Variants in TMEM260 observed in about 807,000 individuals in gnomAD.
The protein encoded by TMEM260 is protein O-mannosyl-transferase TMEM260.
A neutral mutation model predicts 88.9 loss-of-function variants in TMEM260; 82 were observed. That is an observed-to-expected ratio of 0.92 (90% CI 0.77 to 1.11). TMEM260 has a LOEUF of 1.11. Among genes scored for constraint, TMEM260 ranks in the 50% least tolerant of loss-of-function variants. TMEM260 has a pLI of 0.00. For synonymous variants in TMEM260, 314 were observed against 309.3 expected, an observed-to-expected ratio of 1.02 and a Z score of -0.16; for missense variants, 902 against 853.4, an observed-to-expected ratio of 1.06 and a Z score of -0.71.
At chr14:56,617,656 C>T (rs954945056) in intron 9 of TMEM260, among the ~76,000 whole-genome samples, 1 of 152,122 alleles carries the variant, frequency 6.6e-6, no homozygotes, top group Non-Finnish European at 1.5e-5. Context: ...TTCCTTATTT[C>T]TTACCTCCCC....
intron 3 of TMEM260, among the ~76,000 whole-genome samples, chr14:56,601,157 C>T (rs10149712): frequency 0.11 from 16,589 of 152,066 alleles, 1,490 homozygotes; most frequent in African/African-American, 0.24. Flanking sequence ...ATTTTTAAAA[C>T]CTTATGAAAT....
At chr14:56,629,777 C>A (rs1194333623) in intron 12 of TMEM260, among the ~76,000 whole-genome samples, 1 of 152,130 alleles carries the variant, frequency 6.6e-6, no homozygotes, top group Non-Finnish European at 1.5e-5. Flanking sequence ...GTGGCTCATG[C>A]CTGTAATTCC....
At chr14:56,661,028 AG>A in the TMEM260 span, among the ~76,000 whole-genome samples, 614 of 152,378 alleles carry the variant, frequency 4.0e-3, 2 homozygotes, top group Middle Eastern at 0.014. Flanking sequence ...GAAAAGCTGG[AG>A]GCGGGAGTGG....
At chr14:56,641,467 A>G (rs1781959920) in intron 15 of TMEM260, among the ~76,000 whole-genome samples, 1 of 152,242 alleles carries the variant, frequency 6.6e-6, no homozygotes, top group African/African-American at 2.4e-5. Flanking sequence ...GCAAATGCTG[A>G]GAGATTTTGT....
At chr14:56,651,193 G>C (rs1183301157), downstream of TMEM260, among the ~76,000 whole-genome samples, 1 of 152,128 alleles carries the variant, frequency 6.6e-6, no homozygotes, top group Non-Finnish European at 1.5e-5. Context: ...ATCATTGTCA[G>C]CACCCTCTCA....
At chr14:56,654,105 T>TCC (rs1402427749), downstream of TMEM260, among the ~76,000 whole-genome samples, 2 of 152,184 alleles carry the variant, frequency 1.3e-5, no homozygotes, top group Admixed American at 1.3e-4. Flanking sequence ...CGTTGAACTT[T>TCC]CCCCCTCTCC....
chr14:56,636,313 T>C (rs916884187), intron 14 of TMEM260, among the ~76,000 whole-genome samples, 195 bp from the exon 15 acceptor site: 4 of 152,170 alleles, frequency 2.6e-5, no homozygotes, highest in African/African-American at 9.7e-5. Flanking sequence ...TTAGTGTGAA[T>C]GCAGCATCTT....
At chr14:56,645,289 T>G (rs1216503630) in intron 15 of TMEM260, among the ~76,000 whole-genome samples, 1 of 151,522 alleles carries the variant, frequency 6.6e-6, no homozygotes, top group Non-Finnish European at 1.5e-5. Context: ...GTGGCACATA[T>G]ACACCATGGA....
intron 15 of TMEM260, among the ~76,000 whole-genome samples, chr14:56,639,760 C>G (rs1364776690): frequency 6.6e-6 from 1 of 152,144 alleles, no homozygotes; most frequent in African/African-American, 2.4e-5. Context: ...CAGACAGCAC[C>G]TGGAAAATCG....
At chr14:56,601,099 C>T (rs1287580575) in intron 3 of TMEM260, among the ~76,000 whole-genome samples, 1 of 152,034 alleles carries the variant, frequency 6.6e-6, no homozygotes, top group Non-Finnish European at 1.5e-5. Context: ...CTAAGGTAAC[C>T]AGATAAATGT....
chr14:56,625,327 ATTCT>A (rs1403096633), intron 11 of TMEM260, 51 bp from the exon 12 acceptor site: 5 of 1,577,702 alleles, frequency 3.2e-6, no homozygotes, highest in African/African-American at 1.4e-5. Flanking sequence ...GATAAACTTG[ATTCT>A]TTCTAAGAAA....
intron 15 of TMEM260, among the ~76,000 whole-genome samples, chr14:56,640,481 C>G (rs1386525036): frequency 6.6e-6 from 1 of 152,112 alleles, no homozygotes; most frequent in Non-Finnish European, 1.5e-5. Flanking sequence ...ACATCCACAC[C>G]AAAAACCCAT....
chr14:56,592,866 G>A (rs1007352543), intron 3 of TMEM260, among the ~76,000 whole-genome samples: 3 of 152,300 alleles, frequency 2.0e-5, no homozygotes, highest in Non-Finnish European at 2.9e-5. Flanking sequence ...TACCTTCCGT[G>A]TTGGGTTCTT....
downstream of TMEM260, among the ~76,000 whole-genome samples, chr14:56,651,965 G>T (rs1332626867): frequency 6.6e-6 from 1 of 152,154 alleles, no homozygotes; most frequent in African/African-American, 2.4e-5. Flanking sequence ...TTTTTGAAAT[G>T]TAACCTTTTA....
chr14:56,588,388 G>A (rs1039025193), intron 3 of TMEM260, among the ~76,000 whole-genome samples: 15 of 151,926 alleles, frequency 9.9e-5, no homozygotes, highest in African/African-American at 3.6e-4. Context: ...TATTTCAAAA[G>A]CAAATTTATG....
In TMEM260 at chr14:56,609,140, T is replaced by C; in HGVS notation, c.671T>C (p.Leu224Pro). ...LSLGSLLKLS[L>P]YFSAGLLPYV... ...CTGGGCTCTTTGTTGAAGTTGAGCC[T>C]GTACTTCTCTGCTGGTTTGCTGCCC... Residue 224 changes from leucine to proline, a missense_variant, in exon 6 of 16, where the codon CTG becomes CCG. Physicochemically the swap from Leu to Pro is moderately conservative, Grantham distance 98. Transcript: ENST00000261556. 8 of 1,614,226 alleles carry C rather than the reference T, an allele frequency of 5.0e-6. No homozygotes were observed. The highest frequency in any genetic ancestry group is 3.3e-5 in the South Asian group (3 of 91,080).
intron 15 of TMEM260, among the ~76,000 whole-genome samples, chr14:56,643,759 C>T (rs1019470148): frequency 3.3e-5 from 5 of 152,170 alleles, no homozygotes; most frequent in Non-Finnish European, 1.5e-5. Context: ...ATTCAGAAAA[C>T]CCCACTGTCT....
intron 11 of TMEM260, among the ~76,000 whole-genome samples, chr14:56,622,381 C>T (rs7150339): frequency 0.11 from 16,500 of 148,634 alleles, 1,464 homozygotes; most frequent in African/African-American, 0.24. Context: ...ATTTTATATT[C>T]AGCTAACTCA....
At chr14:56,636,229 A>AATAAC in intron 14 of TMEM260, among the ~76,000 whole-genome samples, 1 of 152,262 alleles carries the variant, frequency 6.6e-6, no homozygotes, top group East Asian at 1.9e-4. Flanking sequence ...CTTGCATAAC[A>AATAAC]ATAACATACA....
Sources: allele counts gnomAD v4.1 joint callset (sites outside exome capture counted in the v4.1 genomes callset), GRCh38; gene constraint gnomAD v4.1.1; transcripts MANE v1.5; gene names NCBI Gene and HGNC (gene_info 2026-07-23, HGNC 2026-07-21).